SPACA7: variants seen among roughly 807,000 people sequenced by gnomAD.
SPACA7 encodes the protein sperm acrosome associated 7.
SPACA7 carries 19 observed loss-of-function variants against 26.3 expected under a neutral mutation model. The observed-to-expected ratio is 0.72, with a 90% CI of 0.50 to 1.06. The LOEUF (loss-of-function observed/expected upper bound fraction) is 1.06. SPACA7 is among the 50% of genes least tolerant of loss of function. The pLI is 0.00. For missense variants in SPACA7, 211 were observed against 229.9 expected (o/e 0.92, Z 0.53); for synonymous variants, 84 against 84.5 (o/e 0.99, Z 0.04).
At chr13:112,394,633 G>A (rs1172383562) in intron 2 of SPACA7, among the ~76,000 whole-genome samples, 6 of 152,154 alleles carry the variant, frequency 3.9e-5, no homozygotes, top group African/African-American at 7.2e-5. Flanking sequence ...CGCTCCTGCC[G>A]CCCCGTCCAC....
At chr13:112,430,627 C>T (rs565094953) in intron 5 of SPACA7, among the ~76,000 whole-genome samples, 53 of 152,276 alleles carry the variant, frequency 3.5e-4, no homozygotes, top group African/African-American at 1.1e-3. Flanking sequence ...CTGGGTTCTC[C>T]CAGCTCAGCC....
intron 2 of SPACA7, 149 bp downstream of exon 2, chr13:112,393,226 T>C (rs546758644): frequency 5.5e-5 from 31 of 559,084 alleles, no homozygotes; most frequent in Admixed American, 1.4e-4. Context: ...CAATGGCCCA[T>C]AGCTTTACTG....
chr13:112,415,970 C>T (rs1268236299), intron 5 of SPACA7, among the ~76,000 whole-genome samples: 2 of 151,648 alleles, frequency 1.3e-5, no homozygotes, highest in Non-Finnish European at 2.9e-5. Context: ...CAGCATTGAG[C>T]TCCAATGCAA....
At chr13:112,392,934 G>A in intron 1 of SPACA7, 87 bp from the exon 2 acceptor site, 6 of 1,149,762 alleles carry the variant, frequency 5.2e-6, no homozygotes, top group South Asian at 3.1e-5. Flanking sequence ...GGGCTGGTGG[G>A]CACCCACAAA....
chr13:112,434,409 T>A (rs1877532034), intron 6 of SPACA7, 76 bp from the exon 7 acceptor site: 2 of 1,251,592 alleles, frequency 1.6e-6, no homozygotes, highest in Non-Finnish European at 2.3e-6. Flanking sequence ...TCCCCTGGTG[T>A]CCCTCGATCC....
At chr13:112,413,082 T>C (rs1169295757) in intron 5 of SPACA7, among the ~76,000 whole-genome samples, 2 of 152,216 alleles carry the variant, frequency 1.3e-5, no homozygotes, top group East Asian at 3.8e-4. Flanking sequence ...TGCCTTTTCA[T>C]CTTTATACTA....
chr13:112,392,367 G>A (rs972959796), intron 1 of SPACA7, among the ~76,000 whole-genome samples: 1 of 152,138 alleles, frequency 6.6e-6, no homozygotes, highest in Admixed American at 6.5e-5. Context: ...CCATATTCCA[G>A]ACCTCGGCAT....
chr13:112,427,470 C>T (rs1440731283), intron 5 of SPACA7, among the ~76,000 whole-genome samples: 5 of 152,172 alleles, frequency 3.3e-5, no homozygotes, highest in East Asian at 1.9e-4. Context: ...AGAATTTTTG[C>T]ATCTGTATCC....
At chr13:112,394,515 A>C (rs1416036706) in intron 2 of SPACA7, among the ~76,000 whole-genome samples, 4 of 139,810 alleles carry the variant, frequency 2.9e-5, no homozygotes, top group African/African-American at 2.6e-5. Context: ...CTCCCTTTCC[A>C]CATCTGGGTG....
chr13:112,386,293 A>T (rs367815199), intron 1 of SPACA7, among the ~76,000 whole-genome samples: 1 of 152,168 alleles, frequency 6.6e-6, no homozygotes, highest in Non-Finnish European at 1.5e-5. Context: ...AACTACTATT[A>T]GCCACCCCTT....
intron 1 of SPACA7, among the ~76,000 whole-genome samples, chr13:112,388,701 T>C (rs1431456319): frequency 6.6e-6 from 1 of 152,154 alleles, no homozygotes; most frequent in Non-Finnish European, 1.5e-5. Flanking sequence ...GGAAATGCAA[T>C]AGAGAAAGAG....
chr13:112,392,963 G>A, intron 1 of SPACA7, 58 bp from the exon 2 acceptor site: 1 of 1,516,352 alleles, frequency 6.6e-7, no homozygotes, highest in South Asian at 1.2e-5. Context: ...CATTTAAAGA[G>A]AAAAATATGC....
chr13:112,412,024 C>CTA (rs1179756444), intron 5 of SPACA7, among the ~76,000 whole-genome samples: 1 of 152,124 alleles, frequency 6.6e-6, no homozygotes, highest in Non-Finnish European at 1.5e-5. Context: ...TGAGGAACCT[C>CTA]TATACTGTTT....
At chr13:112,413,301 G>C (rs1886469260) in intron 5 of SPACA7, among the ~76,000 whole-genome samples, 1 of 152,044 alleles carries the variant, frequency 6.6e-6, no homozygotes, top group African/African-American at 2.4e-5. Context: ...GTTTGTCTGG[G>C]AAAGTATTTC....
At chr13:112,428,411 C>G (rs780634851) in intron 5 of SPACA7, among the ~76,000 whole-genome samples, 5 of 152,082 alleles carry the variant, frequency 3.3e-5, no homozygotes, top group Non-Finnish European at 5.9e-5. Flanking sequence ...GAAACCCCAT[C>G]TCTTCTAAAA....
At chr13:112,380,496 T>G (rs1883984462) in intron 1 of SPACA7, among the ~76,000 whole-genome samples, 5 of 152,034 alleles carry the variant, frequency 3.3e-5, no homozygotes, top group African/African-American at 1.2e-4. Context: ...AGTACTGCAT[T>G]GCTACACTCT....
chr13:112,383,945 A>T (rs1884371445), intron 1 of SPACA7, among the ~76,000 whole-genome samples: 1 of 152,210 alleles, frequency 6.6e-6, no homozygotes, highest in Non-Finnish European at 1.5e-5. Context: ...AATTTTGGAG[A>T]AATCAGGTAG....
At chr13:112,424,865 T>C (rs2139059613) in intron 5 of SPACA7, among the ~76,000 whole-genome samples, 1 of 152,216 alleles carries the variant, frequency 6.6e-6, no homozygotes, top group African/African-American at 2.4e-5. Flanking sequence ...TCTCGGTACA[T>C]CCATATCCCC....
intron 5 of SPACA7, among the ~76,000 whole-genome samples, chr13:112,414,904 A>G (rs1324678312): frequency 1.3e-5 from 2 of 152,128 alleles, no homozygotes; most frequent in East Asian, 1.9e-4. Context: ...TGAAAGTTAG[A>G]TATTTATTCC....
Sources: allele counts gnomAD v4.1 joint callset (sites outside exome capture counted in the v4.1 genomes callset), GRCh38; gene constraint gnomAD v4.1.1; transcripts MANE v1.5; gene names NCBI Gene and HGNC (gene_info 2026-07-23, HGNC 2026-07-21).